PIR: variants seen among roughly 807,000 people sequenced by gnomAD.
The protein encoded by PIR is pirin, also known as pirin (iron-binding nuclear protein).
PIR carries 22 observed loss-of-function variants against 24.2 expected under a neutral mutation model. The observed-to-expected ratio is 0.91, with a 90% CI of 0.65 to 1.30. PIR has a LOEUF of 1.30. PIR is among the 50% of genes most tolerant of loss of function. The probability of loss-of-function intolerance (pLI) is 0.00; values close to 1 mark genes in which losing one functional copy is unlikely to be tolerated. For missense variants in PIR, 220 were observed against 220.3 expected, an observed-to-expected ratio of 1.00 and a Z score of 0.01; for synonymous variants, 80 against 79.6, an observed-to-expected ratio of 1.00 and a Z score of -0.03.
intron 5 of PIR, among the ~76,000 whole-genome samples, chrX:15,432,737 T>C (rs1007551360): frequency 8.9e-6 from 1 of 112,370 alleles, no homozygotes; most frequent in African/African-American, 3.2e-5. Flanking sequence ...CTTAAAGAGA[T>C]GTCTTAAGCT....
At chrX:15,406,616 T>C (rs4449950) in intron 7 of PIR, among the ~76,000 whole-genome samples, 1 of 111,618 alleles carries the variant, frequency 9.0e-6, no homozygotes, top group East Asian at 2.8e-4. Context: ...ACTCAGGAAG[T>C]AAGGGCCCAG....
intron 5 of PIR, among the ~76,000 whole-genome samples, chrX:15,432,605 C>T (rs917614749): frequency 1.8e-5 from 2 of 111,847 alleles, no homozygotes; most frequent in Non-Finnish European, 3.8e-5. Flanking sequence ...GTTGCTGGAG[C>T]GAATGACATA....
At chrX:15,425,179 T>C (rs183116108) in intron 6 of PIR, among the ~76,000 whole-genome samples, 3 of 110,756 alleles carry the variant, frequency 2.7e-5, no homozygotes. Flanking sequence ...TGCACTTGTG[T>C]ATAAGTAACA....
At chrX:15,431,923 T>G (rs1374006086) in intron 5 of PIR, among the ~76,000 whole-genome samples, 2 of 111,018 alleles carry the variant, frequency 1.8e-5, no homozygotes. Context: ...ATCAAAATGT[T>G]GATCATCTTA....
chrX:15,479,001 C>A (rs1602299347), intron 3 of PIR, among the ~76,000 whole-genome samples: 1 of 112,205 alleles, frequency 8.9e-6, no homozygotes, highest in Admixed American at 9.5e-5. Flanking sequence ...AAGTAACGAT[C>A]CCTGAGCTTC....
In PIR at chrX:15,387,073, C is replaced by CTT. The variant is rs764572854; in HGVS notation, c.761-1959_761-1958dup. Among the ~76,000 whole-genome samples the CTT allele has an allele frequency of 8.0e-3, 102 of 12,689 alleles. 2 individuals carry two copies. Among genetic ancestry groups the CTT allele is most frequent in the Non-Finnish European group, 0.012 (81 of 6,662 alleles). 11.0% of individuals were successfully genotyped at this position (12,689 alleles called of 115,157 possible). A position where few individuals can be genotyped will look rare whatever the true frequency, so the allele number is the denominator to read the frequency against. On this transcript the variant is annotated intron_variant, in intron 9 of 9. Coordinates refer to ENST00000380420, the MANE Select transcript of PIR (RefSeq NM_001018109.3). Reference sequence around the variant, plus strand: ...TTTTGTTTTGTTTTTCTTTTCTTTTCTTTTTTTTTTTTTTTTTTTTTTTTT... The same window carrying CTT: ...TTTTGTTTTGTTTTTCTTTTCTTTTCTTTTTTTTTTTTTTTTTTTTTTTTTTT...
At chrX:15,419,393 CAGAG>C (rs1925038980) in intron 6 of PIR, among the ~76,000 whole-genome samples, 1 of 62,555 alleles carries the variant, frequency 1.6e-5, no homozygotes, top group African/African-American at 5.4e-5. Context: ...GTGTGTAAGA[CAGAG>C]AGAGAGATAG....
Position 15,484,313 on chromosome X carries a change from T to C in PIR, c.97-4492A>G, listed in dbSNP as rs1193796112. On this transcript the variant is annotated intron_variant, in intron 2 of 9. Transcript: ENST00000380420. ...AGATACAGTCTCAATTTTCTTTTTT[T>C]TTTTTTTTTTTTTTTTTTTGAGACA... Among the ~76,000 whole-genome samples, 101 of 81,296 alleles carry C rather than the reference T, an allele frequency of 1.2e-3. 8 individuals are homozygous for C. Among genetic ancestry groups the C allele is most frequent in the African/African-American group, 3.4e-3 (58 of 17,259 alleles). The allele number at this position is 81,296 out of a possible 115,157, so 70.6% of individuals were successfully genotyped here. A position where few individuals can be genotyped will look rare whatever the true frequency, so the allele number is the denominator to read the frequency against.
chrX:15,435,764 T>C (rs761872507), intron 5 of PIR, among the ~76,000 whole-genome samples: 1 of 112,419 alleles, frequency 8.9e-6, no homozygotes, highest in East Asian at 2.8e-4. Flanking sequence ...TGGGGAGCCA[T>C]ACTTTCTCAT....
At chrX:15,472,336 C>T (rs185547150) in intron 3 of PIR, among the ~76,000 whole-genome samples, 16 of 112,113 alleles carry the variant, frequency 1.4e-4, no homozygotes, top group African/African-American at 5.2e-4. Context: ...GGTCACATTA[C>T]AAGTTTCTTG....
chrX:15,426,332 T>C (rs1367470090), intron 5 of PIR, among the ~76,000 whole-genome samples: 2 of 112,096 alleles, frequency 1.8e-5, no homozygotes, highest in Admixed American at 9.5e-5. Context: ...TGGCAGGTTA[T>C]CTCACAACCA....
At chrX:15,434,678 C>T (rs774759984) in intron 5 of PIR, among the ~76,000 whole-genome samples, 62 of 105,293 alleles carry the variant, frequency 5.9e-4, no homozygotes, top group African/African-American at 2.0e-3. Flanking sequence ...AAGTCAAGGA[C>T]GTTTGGTGCT....
At chrX:15,461,208 C>T (rs1299999090) in intron 3 of PIR, among the ~76,000 whole-genome samples, 1 of 111,933 alleles carries the variant, frequency 8.9e-6, no homozygotes, top group Non-Finnish European at 1.9e-5. Context: ...GTTACCAAGG[C>T]TTGTTCACAC....
chrX:15,385,630 C>T (rs994852344), intron 9 of PIR, among the ~76,000 whole-genome samples: 1 of 111,853 alleles, frequency 8.9e-6, no homozygotes, highest in Non-Finnish European at 1.9e-5. Context: ...AATTTCAAGT[C>T]GAAGAGCATC....
intron 5 of PIR, among the ~76,000 whole-genome samples, chrX:15,437,057 C>T (rs1925773684): frequency 8.9e-6 from 1 of 112,071 alleles, no homozygotes; most frequent in Non-Finnish European, 1.9e-5. Flanking sequence ...GAGAGATACA[C>T]TCAGCAAACT....
rs1228084170 is a variant in PIR at position 15,466,058 on chromosome X, AAAAAC to A, written c.190-6323_190-6319del. On this transcript the variant is annotated intron_variant, in intron 3 of 9. Coordinates refer to ENST00000380420, the MANE Select transcript of PIR (RefSeq NM_001018109.3). Reference sequence around the variant, plus strand: ...ACTAGTGGCTTGGTAGGAAAAAGAGAAAAACAAAACAAAACACGAGTTGAGGTCAT... The same window carrying A: ...ACTAGTGGCTTGGTAGGAAAAAGAGAAAAACAAAACACGAGTTGAGGTCAT... 4.1e-5 allele frequency among the ~76,000 whole-genome samples: 4 copies of A among 97,921 alleles called. No individual in the cohort carries two copies. In the Admixed American group the frequency reaches 4.5e-4, roughly 11 times the overall value. The allele number at this position is 97,921 out of a possible 115,157, so 85.0% of individuals were successfully genotyped here. A position where few individuals can be genotyped will look rare whatever the true frequency, so the allele number is the denominator to read the frequency against.
chrX:15,396,776 G>C lies in PIR; in HGVS notation c.693+673C>G, dbSNP rs1398324582. Among the ~76,000 whole-genome samples, 45 of 62,528 alleles carry C rather than the reference G, an allele frequency of 7.2e-4. 1 individual carries two copies. Among genetic ancestry groups the C allele is most frequent in the Non-Finnish European group, 1.2e-3 (33 of 27,340 alleles). 54.3% of individuals were successfully genotyped at this position (62,528 alleles called of 115,157 possible). On this transcript the variant is annotated intron_variant, in intron 8 of 9. Coordinates refer to ENST00000380420, the MANE Select transcript of PIR (RefSeq NM_001018109.3). ...TTTTTTTTTGAGACGGAGTCTCACT[G>C]TGTTGCCCAGCTGGAGTGCAGTGGC...
intron 7 of PIR, among the ~76,000 whole-genome samples, chrX:15,399,222 G>A (rs780302459): frequency 4.0e-4 from 45 of 112,683 alleles, no homozygotes; most frequent in Non-Finnish European, 7.3e-4. Context: ...CATGTGACAA[G>A]TTGGAGCTGA....
intron 6 of PIR, among the ~76,000 whole-genome samples, chrX:15,410,999 C>T (rs1004017699): frequency 8.9e-6 from 1 of 111,939 alleles, no homozygotes; most frequent in African/African-American, 3.2e-5. Flanking sequence ...GTCAGATTTT[C>T]AGGTCCTTCT....
Sources: allele counts gnomAD v4.1 joint callset (sites outside exome capture counted in the v4.1 genomes callset), GRCh38; gene constraint gnomAD v4.1.1; transcripts MANE v1.5; gene names NCBI Gene and HGNC (gene_info 2026-07-23, HGNC 2026-07-21).